Variants in TAF13 observed in about 807,000 individuals in gnomAD.
The protein encoded by TAF13 is TATA-box binding protein associated factor 13.
In TAF13, 9 loss-of-function variants were observed where a neutral mutation model predicts 18.7. The ratio of observed to expected loss-of-function variants is 0.48; its 90% confidence interval spans 0.29 to 0.84. The LOEUF (loss-of-function observed/expected upper bound fraction) is 0.84, where lower values mean the gene tolerates loss of function less well. TAF13 is among the 40% of genes least tolerant of loss of function. The pLI, the probability that TAF13 is intolerant of heterozygous loss-of-function variation, is 0.08. For synonymous variants in TAF13, 49 were observed against 44.1 expected, an observed-to-expected ratio of 1.11 and a Z score of -0.44; for missense variants, 105 against 146.5, an observed-to-expected ratio of 0.72 and a Z score of 1.46.
intron 2 of TAF13, among the ~76,000 whole-genome samples, chr1:109,068,033 G>A (rs1557984689): frequency 2.0e-5 from 3 of 152,036 alleles, no homozygotes; most frequent in African/African-American, 4.8e-5. Context: ...TGGCTCTGTC[G>A]CCCAGGCTGG....
rs1663987501 is a variant in TAF13 at position 109,068,398 on chromosome 1, AATTATT to A, written c.107-2172_107-2167del. Among the ~76,000 whole-genome samples, 6 of 152,266 alleles carry A rather than the reference AATTATT, an allele frequency of 3.9e-5. No homozygotes were observed. The South Asian group carries it at 1.0e-3, about 26-fold the overall frequency. On this transcript the variant is annotated intron_variant, in intron 2 of 3. Transcript: ENST00000338366. ...GTGATCTGCCTGCCTTGGCCTCCCA[AATTATT>A]GGGATTACAGGCCTAAGCTACCACA...
At chr1:109,073,656 C>T (rs2102112287) in intron 2 of TAF13, among the ~76,000 whole-genome samples, 1 of 152,346 alleles carries the variant, frequency 6.6e-6, no homozygotes, top group South Asian at 2.1e-4. Flanking sequence ...CGGAGTCTCG[C>T]TCACTCAGTG....
intron 2 of TAF13, among the ~76,000 whole-genome samples, chr1:109,073,840 G>A (rs1664124790): frequency 6.6e-6 from 1 of 151,952 alleles, no homozygotes; most frequent in Non-Finnish European, 1.5e-5. Flanking sequence ...CCTGGGATGT[G>A]GGGAAGCACC....
intron 2 of TAF13, among the ~76,000 whole-genome samples, chr1:109,068,194 G>A (rs1010618307): frequency 1.3e-5 from 2 of 152,182 alleles, no homozygotes; most frequent in African/African-American, 4.8e-5. Context: ...GGAGTGCAAT[G>A]GCACGATCTC....
chr1:109,067,501 TCG>T (rs1663971058), intron 2 of TAF13, among the ~76,000 whole-genome samples: 1 of 150,528 alleles, frequency 6.6e-6, no homozygotes, highest in African/African-American at 2.4e-5. Flanking sequence ...TCCCAGCTAC[TCG>T]GGAGGCTGAG....
intron 2 of TAF13, among the ~76,000 whole-genome samples, chr1:109,073,680 A>C (rs1265772465): frequency 6.6e-5 from 10 of 152,146 alleles, no homozygotes; most frequent in Admixed American, 6.5e-4. Context: ...AATGCTGCCC[A>C]GGCTGGAGTG....
At chr1:109,073,901 T>C (rs1316704481) in intron 2 of TAF13, among the ~76,000 whole-genome samples, 1 of 148,996 alleles carries the variant, frequency 6.7e-6, no homozygotes, top group Non-Finnish European at 1.5e-5. Context: ...GCTCGGCCGC[T>C]ACTCCGTCTG....
chr1:109,064,291 C>T lies in TAF13; in HGVS notation c.*232G>A. On this transcript the variant is annotated 3_prime_UTR_variant, in exon 4 of 4. Coordinates refer to ENST00000338366, the MANE Select transcript of TAF13 (RefSeq NM_005645.4). ...CGGCATGGTTTGCAAGGTACTTTGA[C>T]TTATGTGTGGTCATTAAAACCCAGT... 3.6e-6 allele frequency: 1 copy of T among 280,662 alleles called. No individual in the cohort carries two copies. The highest frequency in any genetic ancestry group is 2.2e-5 in the African/African-American group (1 of 45,114). 17.4% of individuals were successfully genotyped at this position (280,662 alleles called of 1,614,324 possible). A position where few individuals can be genotyped will look rare whatever the true frequency, so the allele number is the denominator to read the frequency against.
At chr1:109,071,957 A>T (rs1285587329) in intron 2 of TAF13, among the ~76,000 whole-genome samples, 5 of 87,862 alleles carry the variant, frequency 5.7e-5, no homozygotes, top group African/African-American at 2.0e-4. Context: ...TCAAAAAGAA[A>T]ATATATATAT....
chr1:109,071,828 T>G (rs1248436424), intron 2 of TAF13, among the ~76,000 whole-genome samples: 3 of 151,176 alleles, frequency 2.0e-5, no homozygotes, highest in Non-Finnish European at 4.4e-5. Context: ...GGCATGTGCC[T>G]GTAGTCCCAG....
chr1:109,073,863 C>T (rs531927718), intron 2 of TAF13, among the ~76,000 whole-genome samples: 1 of 152,136 alleles, frequency 6.6e-6, no homozygotes, highest in East Asian at 1.9e-4. Flanking sequence ...TGCCCGGCCG[C>T]CCCGTCTGGG....
rs1663910662 is a variant in TAF13, at chr1:109,064,181, A to AAAAAG, written c.*341_*342insCTTTT. 4 of 152,648 alleles carry AAAAAG rather than the reference A, an allele frequency of 2.6e-5. No individual in the cohort carries two copies. Among genetic ancestry groups the AAAAAG allele is most frequent in the Non-Finnish European group, 5.7e-5 (4 of 69,784 alleles). The allele number at this position is 152,648 out of a possible 1,614,324, so 9.5% of individuals were successfully genotyped here. A position where few individuals can be genotyped will look rare whatever the true frequency, so the allele number is the denominator to read the frequency against. ...CAAAAAAAAAAAAAAAAAAAAAAAA[A>AAAAAG]GCTACAGTATAGCTTACAAGGGCAT... On this transcript the variant is annotated 3_prime_UTR_variant, in exon 4 of 4. Transcript: ENST00000338366.
chr1:109,070,425 G>T (rs899039505), intron 2 of TAF13, among the ~76,000 whole-genome samples: 14 of 152,098 alleles, frequency 9.2e-5, no homozygotes, highest in African/African-American at 3.4e-4. Context: ...CAACATGTTG[G>T]CCAGGCTGGT....
chr1:109,068,388 T>C (rs895021518), intron 2 of TAF13, among the ~76,000 whole-genome samples: 1 of 152,206 alleles, frequency 6.6e-6, no homozygotes, highest in African/African-American at 2.4e-5. Context: ...CTGCCTGCCT[T>C]GGCCTCCCAA....
chr1:109,071,726 G>A (rs1223301472), intron 2 of TAF13, among the ~76,000 whole-genome samples: 2 of 151,560 alleles, frequency 1.3e-5, no homozygotes, highest in South Asian at 4.2e-4. Flanking sequence ...AGGCTGAGAC[G>A]GCGGATCATG....
intron 3 of TAF13, among the ~76,000 whole-genome samples, chr1:109,065,519 G>T (rs150402237): frequency 1.3e-5 from 2 of 150,022 alleles, no homozygotes; most frequent in East Asian, 3.9e-4. Context: ...AAAAAATTGC[G>T]TATCTTTAAA....
At chr1:109,069,253 T>C (rs546978559) in intron 2 of TAF13, among the ~76,000 whole-genome samples, 1 of 152,266 alleles carries the variant, frequency 6.6e-6, no homozygotes, top group Admixed American at 6.5e-5. Context: ...CTTAGTATCC[T>C]TGGGAGCTTG....
At chr1:109,071,958 ATATATATATATATATATACAC>A (rs1664064406) in intron 2 of TAF13, among the ~76,000 whole-genome samples, 2 of 4,802 alleles carry the variant, frequency 4.2e-4, no homozygotes, top group Non-Finnish European at 7.3e-4. Context: ...CAAAAAGAAA[ATATATATATATATATATACAC>A]ACATATATAT....
At chr1:109,070,400 G>A (rs1387839331) in intron 2 of TAF13, among the ~76,000 whole-genome samples, 1 of 152,004 alleles carries the variant, frequency 6.6e-6, no homozygotes, top group Non-Finnish European at 1.5e-5. Flanking sequence ...TCTATTTTTA[G>A]TAGAGATGGG....
Sources: allele counts gnomAD v4.1 joint callset (sites outside exome capture counted in the v4.1 genomes callset), GRCh38; gene constraint gnomAD v4.1.1; transcripts MANE v1.5; gene names NCBI Gene and HGNC (gene_info 2026-07-23, HGNC 2026-07-21).